Variants in SREBF1 observed in about 807,000 individuals in gnomAD.
The protein encoded by SREBF1 is sterol regulatory element-binding protein 1.
A neutral mutation model predicts 100.1 loss-of-function variants in SREBF1; 45 were observed. The observed-to-expected ratio is 0.45, with a 90% confidence interval of 0.35 to 0.58. The LOEUF (loss-of-function observed/expected upper bound fraction) is 0.58, where lower values mean the gene tolerates loss of function less well. Among genes scored for constraint, SREBF1 ranks in the 20% least tolerant of loss-of-function variants. The pLI is 0.00. For missense variants in SREBF1, 1,324 were observed against 1,539.4 expected (o/e 0.86, Z 2.34); for synonymous variants, 657 against 681.8 (o/e 0.96, Z 0.57).
intron 1 of SREBF1, among the ~76,000 whole-genome samples, chr17:17,822,527 T>C (rs893760851): frequency 1.3e-5 from 2 of 152,152 alleles, no homozygotes; most frequent in African/African-American, 2.4e-5. Flanking sequence ...AAGGGCCCTC[T>C]CCCCCAGCTG....
chr17:17,827,016 A>G (rs1020660365), intron 1 of SREBF1, among the ~76,000 whole-genome samples: 3 of 152,204 alleles, frequency 2.0e-5, no homozygotes, highest in South Asian at 2.1e-4. Flanking sequence ...GGGCCATTAT[A>G]GATGAGGTGG....
intron 1 of SREBF1, among the ~76,000 whole-genome samples, chr17:17,829,205 A>AAAATATATATATATATAT (rs1210718799): frequency 6.4e-4 from 42 of 65,788 alleles, no homozygotes; most frequent in African/African-American, 3.3e-3. Flanking sequence ...AAAAAAAAAA[A>AAAATATATATATATATAT]ATATATATAT....
Position 17,820,270 on chromosome 17 carries a change from C to A in SREBF1, c.343G>T (p.Ala115Ser). The A allele has an allele frequency of 6.2e-7, 1 of 1,613,852 alleles. No individual in the cohort carries two copies. Among genetic ancestry groups the A allele is most frequent in the African/African-American group, 1.3e-5 (1 of 75,002 alleles). ...TTGATACCAGGCCCAGGGGAGAAAG[C>A]GGGCATGGACGGGTACATCTTCAAT... ...TPLKMYPSMPAFSPGPGIKEE... is the reference protein window; with the variant it reads ...TPLKMYPSMPSFSPGPGIKEE... Residue 115 changes from alanine to serine, a missense_variant, in exon 2 of 19, where the codon GCT becomes TCT. Transcript: ENST00000261646.
chr17:17,823,401 C>T, intron 1 of SREBF1: 1 of 838,044 alleles, frequency 1.2e-6, no homozygotes, highest in Non-Finnish European at 2.0e-6. Flanking sequence ...CCTTCTCCCT[C>T]GGGAAGGGGC....
In SREBF1 at chr17:17,820,456, C is replaced by T; in HGVS notation, c.157G>A (p.Gly53Arg). 2 of 1,614,048 alleles carry T rather than the reference C, an allele frequency of 1.2e-6. No individual in the cohort carries two copies. The highest frequency in any genetic ancestry group is 1.7e-6 in the Non-Finnish European group (2 of 1,180,000). ...FPGLFDPPYA[G>R]SGAGGTDPAS... ...GGGTCTGTGCCCCCTGCCCCACTCC[C>T]AGCATAGGGTGGGTCAAATAGGCCA... The change falls in exon 2 of 19, where the codon GGG becomes AGG. Residue 53 changes from glycine (G) to arginine (R), a missense_variant. Gly to Arg is a moderately radical substitution (Grantham distance 125). Transcript: ENST00000261646.
chr17:17,819,135 C>T lies in SREBF1; in HGVS notation c.946G>A (p.Ala316Thr). Reference protein sequence around the residue: ...NRLAAGSKAPASAQSRGEKRT... With the variant: ...NRLAAGSKAPTSAQSRGEKRT... ...TTCTCTCCACGGCTCTGGGCAGAGG[C>T]CGGGGCCTTGCTGCCAGCTGCGAGC... The change falls in exon 5 of 19, where the codon GCC becomes ACC. Residue 316 changes from alanine (A) to threonine (T), a missense_variant. By Grantham distance (58) the Ala-to-Thr change is moderately conservative. Transcript: ENST00000261646. 1 of 1,614,162 alleles carries T rather than the reference C, an allele frequency of 6.2e-7. No individual in the cohort carries two copies. Among genetic ancestry groups the T allele is most frequent in the South Asian group, 1.1e-5 (1 of 91,088 alleles).
At position 17,819,505 on chromosome 17, in the gene SREBF1, C is replaced by T. The variant is rs1214266191; in HGVS notation, c.711+33G>A. 5 of 1,613,056 alleles carry T rather than the reference C, an allele frequency of 3.1e-6. No homozygotes were observed. The Admixed American group carries it at 6.7e-5, about 22-fold the overall frequency. ...AAGCTGTGTGTCTGGGCTGGGGCTG[C>T]CCCCTCCCCAACCCCTGGCCAGACC... On this transcript the variant is annotated intron_variant, in intron 3 of 18. Transcript: ENST00000261646.
rs953308684 is a variant in SREBF1, at chr17:17,816,440, C to T, written c.2047+17G>A. On this transcript the variant is annotated intron_variant, in intron 10 of 18. Transcript: ENST00000261646. ...CAGCAGGGAGCACCTCGGAGCCCGC[C>T]CCACGCTCAGTCCTACCCATGGTGT... is the stretch of plus-strand genomic sequence containing the variant. 3.7e-6 allele frequency: 6 copies of T among 1,604,672 alleles called. No homozygotes were observed. In the African/African-American group the frequency reaches 6.7e-5, roughly 18 times the overall value.
At chr17:17,825,273 T>C (rs528768531) in intron 1 of SREBF1, among the ~76,000 whole-genome samples, 5 of 152,346 alleles carry the variant, frequency 3.3e-5, no homozygotes, top group Admixed American at 2.0e-4. Flanking sequence ...CTGCCTCTTA[T>C]TGTGTCTTTA....
At chr17:17,833,893 C>T (rs2035059651) in intron 1 of SREBF1, among the ~76,000 whole-genome samples, 1 of 151,978 alleles carries the variant, frequency 6.6e-6, no homozygotes, top group South Asian at 2.1e-4. Flanking sequence ...ATCTCTTGAA[C>T]CTGAGAGGCA....
At chr17:17,833,145 C>T (rs538520689) in intron 1 of SREBF1, among the ~76,000 whole-genome samples, 3 of 151,842 alleles carry the variant, frequency 2.0e-5, no homozygotes, top group South Asian at 4.1e-4. Context: ...CAGATCCAGC[C>T]GGGCGCGGTG....
chr17:17,812,926 G>T, intron 18 of SREBF1, 75 bp from the exon 19 acceptor site: 1 of 1,350,700 alleles, frequency 7.4e-7, no homozygotes, highest in Non-Finnish European at 9.8e-7. Context: ...CCACACACAA[G>T]CCACGGCACC....
chr17:17,829,204 AAATATAT>A (rs1267707752), intron 1 of SREBF1, among the ~76,000 whole-genome samples: 24 of 39,822 alleles, frequency 6.0e-4, no homozygotes, highest in African/African-American at 2.0e-3. Flanking sequence ...AAAAAAAAAA[AAATATAT>A]ATATATATAT....
chr17:17,824,588 TACACACAC>T lies in SREBF1; in HGVS notation c.92-4075_92-4068del, dbSNP rs145616114. 2.7e-5 allele frequency among the ~76,000 whole-genome samples: 4 copies of T among 150,852 alleles called. No homozygotes were observed. The highest frequency in any genetic ancestry group is 1.3e-4 in the Admixed American group (2 of 15,132). On this transcript the variant is annotated intron_variant, in intron 1 of 18. Coordinates refer to ENST00000261646, the MANE Select transcript of SREBF1 (RefSeq NM_004176.5). The surrounding 1 kb of genome is among the most constrained non-coding windows in gnomAD (Gnocchi z 4.2). ...TCCCTCTTTTGTCAAAGGTAAAAGT[TACACACAC>T]ACACACACACAAAGTGATCAGAGCC...
rs147268500 is a variant in SREBF1 at position 17,820,510 on chromosome 17, G to T, written c.103C>A (p.Leu35Ile). 26 of 1,613,678 alleles carry T rather than the reference G, an allele frequency of 1.6e-5. No individual in the cohort carries two copies. Among genetic ancestry groups the T allele is most frequent in the Middle Eastern group, 1.6e-4 (1 of 6,084 alleles). The change falls in exon 2 of 19, where the codon CTT (leucine) becomes ATT (isoleucine). Residue 35 changes from leucine to isoleucine, a missense_variant. Transcript: ENST00000261646. ...AAGTCACTGTCTTGGTTGTTGATAAGCTGAAGCATGTCTGTGAAAAGGAGA... is the reference window on the plus strand; with the variant it reads ...AAGTCACTGTCTTGGTTGTTGATAATCTGAAGCATGTCTGTGAAAAGGAGA... ...LLTDIEDMLQ[L>I]INNQDSDFPG...
chr17:17,836,123 G>C (rs930035824), intron 1 of SREBF1, among the ~76,000 whole-genome samples: 3 of 152,238 alleles, frequency 2.0e-5, no homozygotes, highest in Admixed American at 1.3e-4. Flanking sequence ...TAAAAGAGGG[G>C]GTACCCAGGT....
Position 17,836,767 on chromosome 17 carries a change from C to T in SREBF1, c.51G>A (p.Glu17=). The change falls in exon 1 of 19, where the codon GAG becomes GAA. Residue 17 remains glutamate, a synonymous_variant. Transcript: ENST00000261646. ...SEAALEQALG[E]PCDLDAALLT... is the part of the protein sequence containing the mutation. ...GCAGCGCCGCGTCCAGATCGCACGGCTCGCCCAGCGCCTGCTCCAAAGCCG... is the reference window on the plus strand; with the variant it reads ...GCAGCGCCGCGTCCAGATCGCACGGTTCGCCCAGCGCCTGCTCCAAAGCCG... The T allele has an allele frequency of 6.4e-7, 1 of 1,570,452 alleles. No homozygotes were observed. The highest frequency in any genetic ancestry group is 1.8e-5 in the Admixed American group (1 of 55,454).
At chr17:17,819,263 G>A in intron 4 of SREBF1, 29 bp from the exon 5 acceptor site, 1 of 1,613,670 alleles carries the variant, frequency 6.2e-7, no homozygotes, top group Admixed American at 1.7e-5. Context: ...GTTACCAGGT[G>A]GGCATGTGTG....
Position 17,813,662 on chromosome 17 carries a change from C to A in SREBF1, c.3009G>T (p.Arg1003Ser). The A allele has an allele frequency of 6.4e-7, 1 of 1,555,638 alleles. No homozygotes were observed. Among genetic ancestry groups the A allele is most frequent in the Non-Finnish European group, 8.6e-7 (1 of 1,157,498 alleles). ...GCAGCTCAAGGGCGGAAGCCTGGGG[C>A]CTGCTGCTGGTGCCCTGGGCTGCTG... The part of the protein sequence containing the change: ...PAPAAQGTSS[R>S]PQASALELRG... Residue 1003 changes from arginine (R) to serine (S), a missense_variant, in exon 17 of 19, where the codon AGG becomes AGT. By Grantham distance (110) the Arg-to-Ser change is moderately radical. Coordinates refer to ENST00000261646, the MANE Select transcript of SREBF1 (RefSeq NM_004176.5).
Sources: gnomAD v4.1 joint callset for allele counts (sites outside exome capture counted in the v4.1 genomes callset) on GRCh38, gnomAD v4.1.1 for gene constraint, Gnocchi (gnomAD v3.1) non-coding constraint, MANE v1.5 for transcripts, NCBI Gene and HGNC (gene_info 2026-07-23, HGNC 2026-07-21) for gene names.